GRM8: variants seen among roughly 807,000 people sequenced by gnomAD.
GRM8 encodes glutamate metabotropic receptor 8.
A neutral mutation model predicts 87.2 loss-of-function variants in GRM8; 47 were observed. The observed-to-expected ratio is 0.54, with a 90% CI of 0.43 to 0.69. GRM8 has a LOEUF of 0.69. GRM8 is among the 30% of genes least tolerant of loss of function. GRM8 has a pLI of 0.00. For synonymous variants in GRM8, 396 were observed against 404.5 expected, an observed-to-expected ratio of 0.98 and a Z score of 0.25; for missense variants, 1,019 against 1,139.2, an observed-to-expected ratio of 0.89 and a Z score of 1.52.
rs73720604 is a variant in GRM8, at chr7:126,942,970, C to T, written c.728-38287G>A. The stretch of plus-strand genomic sequence containing the variant: ...TGAGTTGAAATTCAGTCAAGTAGAG[C>T]GGCACATATGAATCACTTGGGGATC... On this transcript the variant is annotated intron_variant, in intron 3 of 10. Coordinates refer to ENST00000339582, the MANE Select transcript of GRM8 (RefSeq NM_000845.3). Among the ~76,000 whole-genome samples, 1,028 of 152,084 alleles carry T rather than the reference C, an allele frequency of 6.8e-3. 8 individuals carry two copies. Among genetic ancestry groups the T allele is most frequent in the Middle Eastern group, 0.024 (7 of 294 alleles).
chr7:127,003,137 A>T (rs1257449655), intron 3 of GRM8, among the ~76,000 whole-genome samples: 1 of 151,752 alleles, frequency 6.6e-6, no homozygotes, highest in African/African-American at 2.4e-5. Flanking sequence ...CCAAATACAT[A>T]ATCAAAATCA....
At chr7:126,904,753 C>T (rs1802507235) in intron 3 of GRM8, 70 bp from the exon 4 acceptor site, 1 of 1,377,852 alleles carries the variant, frequency 7.3e-7, no homozygotes, top group African/African-American at 1.4e-5. Context: ...CAATTACCTA[C>T]TTTATAAAAG....
In GRM8 at chr7:126,542,915, A is replaced by G. The variant is rs527724945; in HGVS notation, c.1495-9028T>C. ...TGTCTAAGTGGTGGTGATGAAGAAG[A>G]TAGGATAGATTTGAGATACAGTAAA... is the stretch of plus-strand genomic sequence containing the variant. On this transcript the variant is annotated intron_variant, in intron 8 of 10. Transcript: ENST00000339582. Among the ~76,000 whole-genome samples the G allele has an allele frequency of 9.2e-5, 14 of 152,342 alleles. No individual in the cohort carries two copies. The South Asian group carries it at 2.9e-3, about 32-fold the overall frequency.
At chr7:126,541,613 C>T (rs1816551831) in intron 8 of GRM8, among the ~76,000 whole-genome samples, 1 of 152,158 alleles carries the variant, frequency 6.6e-6, no homozygotes, top group African/African-American at 2.4e-5. Flanking sequence ...AAGTCAATCA[C>T]GCTGAGGCTG....
intron 6 of GRM8, among the ~76,000 whole-genome samples, chr7:126,850,629 T>C (rs1371265268): frequency 6.6e-6 from 1 of 152,220 alleles, no homozygotes; most frequent in Non-Finnish European, 1.5e-5. Flanking sequence ...GAAACTTCTA[T>C]GATTATCTCA....
chr7:126,908,316 T>C (rs1389691518), intron 3 of GRM8, among the ~76,000 whole-genome samples: 2 of 152,146 alleles, frequency 1.3e-5, no homozygotes, highest in African/African-American at 4.8e-5. Flanking sequence ...TTGAGAAAAC[T>C]TTTGGAATGA....
At chr7:126,998,654 T>C (rs1318999831) in intron 3 of GRM8, among the ~76,000 whole-genome samples, 1 of 151,496 alleles carries the variant, frequency 6.6e-6, no homozygotes, top group Non-Finnish European at 1.5e-5. Flanking sequence ...AAAAAGTTCT[T>C]CCATTTAATA....
chr7:126,903,625 A>AAG (rs1563300237), intron 5 of GRM8, among the ~76,000 whole-genome samples: 1 of 138,670 alleles, frequency 7.2e-6, no homozygotes, highest in African/African-American at 2.6e-5. Flanking sequence ...ACATATATAT[A>AAG]TGTATATGTG....
At chr7:126,845,613 A>T (rs767677814) in intron 6 of GRM8, among the ~76,000 whole-genome samples, 1 of 152,226 alleles carries the variant, frequency 6.6e-6, no homozygotes, top group Non-Finnish European at 1.5e-5. Flanking sequence ...ATCTCATACC[A>T]ATAGCAAGGC....
chr7:126,505,136 G>A (rs1167971061), intron 9 of GRM8, among the ~76,000 whole-genome samples: 2 of 151,940 alleles, frequency 1.3e-5, no homozygotes, highest in Non-Finnish European at 2.9e-5. Flanking sequence ...CCTTCACTAG[G>A]ACTAAAATGG....
At chr7:126,529,472 T>C (rs935014060) in intron 9 of GRM8, among the ~76,000 whole-genome samples, 1 of 152,190 alleles carries the variant, frequency 6.6e-6, no homozygotes, top group Non-Finnish European at 1.5e-5. Context: ...GAGTCTAAGG[T>C]GACAACCAGC....
At chr7:126,699,024 T>G (rs1809661958) in intron 7 of GRM8, among the ~76,000 whole-genome samples, 1 of 152,154 alleles carries the variant, frequency 6.6e-6, no homozygotes, top group Admixed American at 6.6e-5. Flanking sequence ...AGATAATTTC[T>G]GAATGTCTGG....
intron 8 of GRM8, among the ~76,000 whole-genome samples, chr7:126,578,539 T>C (rs566963400): frequency 2.4e-4 from 36 of 152,116 alleles, no homozygotes; most frequent in South Asian, 6.2e-4. Flanking sequence ...CGAACAGCTG[T>C]TCCTTTCTCT....
At chr7:126,753,607 G>T (rs1465592692) in intron 7 of GRM8, among the ~76,000 whole-genome samples, 1 of 151,604 alleles carries the variant, frequency 6.6e-6, no homozygotes, top group African/African-American at 2.4e-5. Flanking sequence ...TATCATCAAA[G>T]AAATTTTCCA....
intron 7 of GRM8, among the ~76,000 whole-genome samples, chr7:126,680,244 A>G (rs1233487575): frequency 6.6e-6 from 1 of 152,190 alleles, no homozygotes; most frequent in Non-Finnish European, 1.5e-5. Flanking sequence ...TCTCATTGAC[A>G]GAAGACTGTC....
In GRM8 at chr7:127,252,360, C is replaced by G. The variant is rs1798921817; in HGVS notation, c.-312+437G>C. ...GTTCCGGGTAAAGTCTCCCTCTTTT[C>G]TGAACCTCTTTACTGTAATGTAATC... On this transcript the variant is annotated intron_variant, in intron 1 of 10. Transcript: ENST00000339582. This position sits in a 1 kb window ranked among gnomAD's most constrained non-coding sequence, Gnocchi z 4.9. 6.6e-6 allele frequency: 1 copy of G among 152,224 alleles called. No homozygotes were observed. Among genetic ancestry groups the G allele is most frequent in the African/African-American group, 2.4e-5 (1 of 41,460 alleles). The allele number at this position is 152,224 out of a possible 1,614,324, so 9.4% of individuals were successfully genotyped here. A position where few individuals can be genotyped will look rare whatever the true frequency, so the allele number is the denominator to read the frequency against.
intron 3 of GRM8, among the ~76,000 whole-genome samples, chr7:127,063,734 T>C (rs1478303704): frequency 1.3e-5 from 2 of 152,272 alleles, no homozygotes; most frequent in African/African-American, 2.4e-5. Flanking sequence ...ATTAAGTTTT[T>C]AATTTGAGAT....
At position 126,438,871 on chromosome 7, in the gene GRM8, G is replaced by T. The variant is rs2150435322; in HGVS notation, c.*248C>A. 1 of 388,494 alleles carries T rather than the reference G, an allele frequency of 2.6e-6. No homozygotes were observed. The highest frequency in any genetic ancestry group is 4.6e-6 in the Non-Finnish European group (1 of 215,850). The allele number at this position is 388,494 out of a possible 1,614,324, so 24.1% of individuals were successfully genotyped here. A position where few individuals can be genotyped will look rare whatever the true frequency, so the allele number is the denominator to read the frequency against. On this transcript the variant is annotated 3_prime_UTR_variant, in exon 11 of 11. Coordinates refer to ENST00000339582, the MANE Select transcript of GRM8 (RefSeq NM_000845.3). ...AACATTAGTTTTCCTTTTGTGATTT[G>T]TTTTAACTGCTCATGAATAAGCAAT...
intron 7 of GRM8, among the ~76,000 whole-genome samples, chr7:126,769,663 C>T (rs1818609056): frequency 6.6e-6 from 1 of 151,978 alleles, no homozygotes; most frequent in Non-Finnish European, 1.5e-5. Flanking sequence ...AAACTTTTGC[C>T]TCCTTCACGC....
Sources: gnomAD v4.1 joint callset for allele counts (sites outside exome capture counted in the v4.1 genomes callset) on GRCh38, gnomAD v4.1.1 for gene constraint, Gnocchi (gnomAD v3.1) non-coding constraint, MANE v1.5 for transcripts, NCBI Gene and HGNC (gene_info 2026-07-23, HGNC 2026-07-21) for gene names.